Variants in LARP1B observed in about 807,000 individuals in gnomAD.
The protein encoded by LARP1B is La ribonucleoprotein 1B, also known as la-related protein 1B.
In LARP1B, 76 loss-of-function variants were observed where a neutral mutation model predicts 114.2. That is an observed-to-expected ratio of 0.67 (90% CI 0.55 to 0.81). The LOEUF (loss-of-function observed/expected upper bound fraction) is 0.81, where lower values mean the gene tolerates loss of function less well. LARP1B is among the 30% of genes least tolerant of loss of function. The probability of loss-of-function intolerance (pLI) is 0.00; values close to 1 mark genes in which losing one functional copy is unlikely to be tolerated. For synonymous variants in LARP1B, 345 were observed against 348.0 expected, an observed-to-expected ratio of 0.99 and a Z score of 0.10; for missense variants, 1,014 against 1,075.8, an observed-to-expected ratio of 0.94 and a Z score of 0.80.
intron 10 of LARP1B, among the ~76,000 whole-genome samples, chr4:128,120,711 C>T (rs1485879511): frequency 6.7e-6 from 1 of 150,044 alleles, no homozygotes; most frequent in African/African-American, 2.5e-5. Flanking sequence ...CTCAGGTGAT[C>T]TGCCCATCTT....
chr4:128,079,242 A>G (rs1561087042), intron 4 of LARP1B, among the ~76,000 whole-genome samples: 1 of 151,324 alleles, frequency 6.6e-6, no homozygotes, highest in Non-Finnish European at 1.5e-5. Context: ...TTACAGGCCC[A>G]TGCTACCATG....
intron 11 of LARP1B, among the ~76,000 whole-genome samples, chr4:128,129,144 G>A (rs1468905033): frequency 4.1e-5 from 5 of 120,582 alleles, no homozygotes; most frequent in Admixed American, 3.1e-4. Flanking sequence ...CATCCTGGGC[G>A]ACAGAGCGAG....
At chr4:128,152,527 TA>T (rs112118035) in intron 11 of LARP1B, among the ~76,000 whole-genome samples, 5 of 151,946 alleles carry the variant, frequency 3.3e-5, no homozygotes, top group South Asian at 2.1e-4. Context: ...ATTTATTTTT[TA>T]TTTTTTTATT....
At chr4:128,109,942 C>T (rs374995509) in intron 9 of LARP1B, among the ~76,000 whole-genome samples, 2 of 145,046 alleles carry the variant, frequency 1.4e-5, no homozygotes, top group South Asian at 2.1e-4. Flanking sequence ...CTCACTCTGT[C>T]GCTCAGGCTG....
intron 15 of LARP1B, among the ~76,000 whole-genome samples, chr4:128,189,499 G>T (rs1225532173): frequency 6.6e-6 from 1 of 151,606 alleles, no homozygotes; most frequent in African/African-American, 2.4e-5. Flanking sequence ...CTTTTGGTTG[G>T]AGAATTTAGT....
In LARP1B at chr4:128,222,585, C is replaced by T. The variant is rs553101985; in HGVS notation, n.1171C>T. 1.1e-5 allele frequency: 3 copies of T among 273,092 alleles called. No individual in the cohort carries two copies. The East Asian group carries it at 2.8e-4, about 26-fold the overall frequency. 16.9% of individuals were successfully genotyped at this position (273,092 alleles called of 1,614,324 possible). A position where few individuals can be genotyped will look rare whatever the true frequency, so the allele number is the denominator to read the frequency against. On this transcript the variant is annotated non_coding_transcript_exon_variant, in exon 8 of 8. Transcript: ENST00000503725. Reference sequence around the variant, plus strand: ...AGATAACAACTTCAACAAAAATTTACCTCCCACCAAGAGAAGTTGTCTTTA... The same window carrying T: ...AGATAACAACTTCAACAAAAATTTATCTCCCACCAAGAGAAGTTGTCTTTA...
intron 11 of LARP1B, among the ~76,000 whole-genome samples, chr4:128,136,007 C>T (rs1444005347): frequency 6.6e-6 from 1 of 151,910 alleles, no homozygotes; most frequent in African/African-American, 2.4e-5. Flanking sequence ...ACTTAATACA[C>T]ATAGGCCAGG....
chr4:128,144,647 T>C (rs1729533525), intron 11 of LARP1B, among the ~76,000 whole-genome samples: 4 of 152,172 alleles, frequency 2.6e-5, no homozygotes, highest in Admixed American at 2.0e-4. Flanking sequence ...TTCTGTTTTC[T>C]GGAATATTTA....
chr4:128,137,455 G>C (rs1257814022), intron 11 of LARP1B, among the ~76,000 whole-genome samples: 1 of 152,010 alleles, frequency 6.6e-6, no homozygotes, highest in Non-Finnish European at 1.5e-5. Flanking sequence ...CCAAATCTTA[G>C]TTATATTTGA....
chr4:128,082,819 T>A lies in LARP1B; in HGVS notation c.358+514T>A, dbSNP rs1376442625. On this transcript the variant is annotated intron_variant, in intron 5 of 19. Coordinates refer to ENST00000326639, the MANE Select transcript of LARP1B (RefSeq NM_018078.4). Reference sequence around the variant, plus strand: ...TCATTTTCTTCTTTTTTTTTTTTTTTAATTTTTATTTTTTTTATTGATCAT... The same window carrying A: ...TCATTTTCTTCTTTTTTTTTTTTTTAAATTTTTATTTTTTTTATTGATCAT... 2.1e-3 allele frequency among the ~76,000 whole-genome samples: 269 copies of A among 125,362 alleles called. 1 individual carries two copies. The highest frequency in any genetic ancestry group is 3.3e-3 in the Non-Finnish European group (193 of 58,096). 82.2% of individuals were successfully genotyped at this position (125,362 alleles called of 152,430 possible).
At chr4:128,206,223 C>CA (rs1757553492) in intron 17 of LARP1B, among the ~76,000 whole-genome samples, 1 of 152,034 alleles carries the variant, frequency 6.6e-6, no homozygotes, top group African/African-American at 2.4e-5. Context: ...ACCAGGGAGG[C>CA]GGAGGTTGCA....
At chr4:128,178,690 A>C in intron 14 of LARP1B, 48 bp downstream of exon 14, 1 of 1,330,076 alleles carries the variant, frequency 7.5e-7, no homozygotes, top group East Asian at 2.3e-5. Context: ...GTATCCTTTA[A>C]CATTACAGAA....
At chr4:128,152,716 C>T (rs910147630) in intron 11 of LARP1B, among the ~76,000 whole-genome samples, 4 of 151,170 alleles carry the variant, frequency 2.6e-5, no homozygotes, top group African/African-American at 9.7e-5. Flanking sequence ...GTATGGACTC[C>T]AACATGGATT....
At chr4:128,143,796 G>GTGTGTGTGTGTGTGTGTGT (rs1729108317) in intron 11 of LARP1B, among the ~76,000 whole-genome samples, 37 of 147,844 alleles carry the variant, frequency 2.5e-4, no homozygotes, top group African/African-American at 9.2e-4. Context: ...TAAGGCACAG[G>GTGTGTGTGTGTGTGTGTGT]GTGTGTGTGT....
chr4:128,186,349 C>G (rs1195310246), intron 15 of LARP1B, among the ~76,000 whole-genome samples: 1 of 151,996 alleles, frequency 6.6e-6, no homozygotes, highest in South Asian at 2.1e-4. Flanking sequence ...TTTCTTTCAT[C>G]TGTGTTTTTT....
intron 19 of LARP1B, among the ~76,000 whole-genome samples, chr4:128,208,939 A>C: frequency 6.6e-6 from 1 of 152,198 alleles, no homozygotes; most frequent in Non-Finnish European, 1.5e-5. Flanking sequence ...ATTTTCACTT[A>C]AGCAAGCCTG....
downstream of LARP1B, among the ~76,000 whole-genome samples, chr4:128,213,373 C>T (rs529652428): frequency 2.6e-5 from 4 of 152,210 alleles, no homozygotes; most frequent in South Asian, 2.1e-4. Flanking sequence ...ATACCCCTTA[C>T]GTTTTCCTTT....
rs151183739 is a variant in LARP1B at position 128,135,056 on chromosome 4, C to T, written c.1524+12868C>T. Among the ~76,000 whole-genome samples the T allele has an allele frequency of 4.7e-3, 714 of 151,452 alleles. 8 individuals are homozygous for T. Among genetic ancestry groups the T allele is most frequent in the African/African-American group, 0.017 (681 of 41,206 alleles). ...GGTGGGGGTTGTGGTGAGCTGAGAT[C>T]GCACCACTGCACTCTAGCCTGGGTG... On this transcript the variant is annotated intron_variant, in intron 11 of 19. Coordinates refer to ENST00000326639, the MANE Select transcript of LARP1B (RefSeq NM_018078.4).
At chr4:128,085,466 A>G (rs1452275247) in intron 5 of LARP1B, among the ~76,000 whole-genome samples, 1 of 149,300 alleles carries the variant, frequency 6.7e-6, no homozygotes, top group African/African-American at 2.5e-5. Flanking sequence ...CTTGGGCTCA[A>G]GCGATCCTCC....
Sources: allele counts gnomAD v4.1 joint callset (sites outside exome capture counted in the v4.1 genomes callset), GRCh38; gene constraint gnomAD v4.1.1; transcripts MANE v1.5; gene names NCBI Gene and HGNC (gene_info 2026-07-23, HGNC 2026-07-21).